Variants in BRAP observed in about 807,000 individuals in gnomAD.
BRAP encodes BRCA1-associated protein.
BRAP carries 42 observed loss-of-function variants against 73.4 expected under a neutral mutation model. The observed-to-expected ratio is 0.57, with a 90% CI of 0.45 to 0.74. The LOEUF (loss-of-function observed/expected upper bound fraction) is 0.74, where lower values mean the gene tolerates loss of function less well. Among genes scored for constraint, BRAP ranks in the 30% least tolerant of loss-of-function variants. BRAP has a pLI of 0.00. For synonymous variants in BRAP, 255 were observed against 267.4 expected (o/e 0.95, Z 0.45); for missense variants, 593 against 751.4 (o/e 0.79, Z 2.46).
intron 1 of BRAP, among the ~76,000 whole-genome samples, chr12:111,685,417 G>C (rs1201124404): frequency 6.6e-6 from 1 of 152,204 alleles, no homozygotes; most frequent in Non-Finnish European, 1.5e-5. Flanking sequence ...AGCCCATAGG[G>C]AAGCAAGTGA....
Position 111,644,528 on chromosome 12 carries a change from T to A in BRAP, c.1450A>T (p.Thr484Ser). 6.2e-7 allele frequency: 1 copy of A among 1,613,968 alleles called. No homozygotes were observed. Among genetic ancestry groups the A allele is most frequent in the Non-Finnish European group, 8.5e-7 (1 of 1,179,902 alleles). Residue 484 changes from threonine (T) to serine (S), a missense_variant, in exon 12 of 12, where the codon ACC (threonine) becomes TCC (serine). Physicochemically the swap from Thr to Ser is moderately conservative, Grantham distance 58 (BLOSUM62 1). Coordinates refer to ENST00000419234, the MANE Select transcript of BRAP (RefSeq NM_006768.5). ...TCCTGCTCCTCTTTGAGCTCGTTGGTGAGTTTGGCCACTTTTGTGTTTAGC... is the reference window on the plus strand; with the variant it reads ...TCCTGCTCCTCTTTGAGCTCGTTGGAGAGTTTGGCCACTTTTGTGTTTAGC... ...TQLNTKVAKL[T>S]NELKEEQEMN...
At chr12:111,670,069 T>C in intron 5 of BRAP, 3 of 627,082 alleles carry the variant, frequency 4.8e-6, no homozygotes, top group Non-Finnish European at 9.2e-6. Flanking sequence ...CCTGAAAAAG[T>C]GCTTGGAGCA....
chr12:111,656,049 T>G (rs1161529351), intron 9 of BRAP, among the ~76,000 whole-genome samples: 1 of 152,188 alleles, frequency 6.6e-6, no homozygotes, highest in East Asian at 1.9e-4. Context: ...CTGATAGCAC[T>G]GTGCCTATCA....
intron 4 of BRAP, among the ~76,000 whole-genome samples, chr12:111,674,215 T>A (rs1274141734): frequency 6.6e-6 from 1 of 152,118 alleles, no homozygotes; most frequent in Non-Finnish European, 1.5e-5. Flanking sequence ...AATGAGGTAA[T>A]TGTGAATTCT....
chr12:111,659,608 C>T (rs1240465973), intron 7 of BRAP, among the ~76,000 whole-genome samples: 1 of 152,120 alleles, frequency 6.6e-6, no homozygotes, highest in African/African-American at 2.4e-5. Context: ...GACCCGAAAT[C>T]GTGCCACTGC....
chr12:111,677,341 A>C (rs771099538), intron 4 of BRAP, among the ~76,000 whole-genome samples: 1 of 152,154 alleles, frequency 6.6e-6, no homozygotes, highest in Non-Finnish European at 1.5e-5. Context: ...GCTGTCATAG[A>C]ATGTCTCACA....
At chr12:111,657,408 A>G (rs1355938898) in intron 9 of BRAP, among the ~76,000 whole-genome samples, 1 of 152,216 alleles carries the variant, frequency 6.6e-6, no homozygotes, top group African/African-American at 2.4e-5. Context: ...AATTCTAAAT[A>G]CTTAAAAGTG....
chr12:111,680,987 T>C (rs760099373), intron 3 of BRAP, among the ~76,000 whole-genome samples: 11 of 152,212 alleles, frequency 7.2e-5, no homozygotes, highest in Non-Finnish European at 1.5e-4. Flanking sequence ...CAGTAAAGAT[T>C]TGGTGGGGAC....
At chr12:111,654,506 GGGTTTC>G (rs148245571) in intron 10 of BRAP, among the ~76,000 whole-genome samples, 2,347 of 152,186 alleles carry the variant, frequency 0.015, 69 homozygotes, top group African/African-American at 0.053. Flanking sequence ...AGTAGAGATT[GGGTTTC>G]GCCATGTTGG....
rs6416335 is a variant in BRAP, at chr12:111,643,487, T to C, written c.*712A>G. On this transcript the variant is annotated 3_prime_UTR_variant, in exon 12 of 12. Transcript: ENST00000419234. Reference sequence around the variant, plus strand: ...CCTCCTTAATTGCGGTTCATAATGATGTACGAAGTCACCAAAAATAAACAG... The same window carrying C: ...CCTCCTTAATTGCGGTTCATAATGACGTACGAAGTCACCAAAAATAAACAG... The C allele has an allele frequency of 0.99, 150,543 of 152,272 alleles. 74,421 individuals carry two copies. The highest frequency in any genetic ancestry group is 1 in the Middle Eastern group (294 of 294). The allele number at this position is 152,272 out of a possible 1,614,324, so 9.4% of individuals were successfully genotyped here.
At chr12:111,681,235 T>TG (rs569517603) in intron 3 of BRAP, among the ~76,000 whole-genome samples, 141 of 152,182 alleles carry the variant, frequency 9.3e-4, no homozygotes, top group African/African-American at 3.3e-3. Flanking sequence ...CTAGGTGTGG[T>TG]GGTGGGCACC....
chr12:111,643,458 G>C lies in BRAP; in HGVS notation c.*741C>G, dbSNP rs1197394432. On this transcript the variant is annotated 3_prime_UTR_variant, in exon 12 of 12. Coordinates refer to ENST00000419234, the MANE Select transcript of BRAP (RefSeq NM_006768.5). ...ATTTGAGTTTGGGAACAGCCATTAA[G>C]CCTCCTCCTTAATTGCGGTTCATAA... The C allele has an allele frequency of 6.6e-6, 1 of 152,174 alleles. No individual in the cohort carries two copies. Among genetic ancestry groups the C allele is most frequent in the Non-Finnish European group, 1.5e-5 (1 of 68,038 alleles). The allele number at this position is 152,174 out of a possible 1,614,324, so 9.4% of individuals were successfully genotyped here. A position where few individuals can be genotyped will look rare whatever the true frequency, so the allele number is the denominator to read the frequency against.
intron 6 of BRAP, among the ~76,000 whole-genome samples, chr12:111,663,043 G>C (rs867251052): frequency 6.6e-6 from 1 of 151,090 alleles, no homozygotes; most frequent in Non-Finnish European, 1.5e-5. Flanking sequence ...TGATCAAAAC[G>C]ATCTTTCTGA....
In BRAP at chr12:111,644,534, TG is replaced by T; in HGVS notation, c.1443del (p.Lys482AsnfsTer12). 6.2e-7 allele frequency: 1 copy of T among 1,613,910 alleles called. No individual in the cohort carries two copies. The highest frequency in any genetic ancestry group is 8.5e-7 in the Non-Finnish European group (1 of 1,179,828). ...TCCTCTTTGAGCTCGTTGGTGAGTT[TG>T]GCCACTTTTGTGTTTAGCTGAGTGC... The part of the protein sequence containing the change: ...RKCTQLNTKV[A>X]KLTNELKEEQ... On this transcript the variant is annotated frameshift_variant, in exon 12 of 12. Coordinates refer to ENST00000419234, the MANE Select transcript of BRAP (RefSeq NM_006768.5). LOFTEE classifies it high-confidence loss of function.
intron 5 of BRAP, among the ~76,000 whole-genome samples, chr12:111,667,979 C>T (rs1199202140): frequency 1.3e-5 from 2 of 152,226 alleles, no homozygotes; most frequent in Non-Finnish European, 2.9e-5. Flanking sequence ...GAGGCCAAGG[C>T]AGGCGGATCA....
At chr12:111,677,789 A>G (rs1207505463) in intron 4 of BRAP, among the ~76,000 whole-genome samples, 2 of 152,216 alleles carry the variant, frequency 1.3e-5, no homozygotes, top group African/African-American at 4.8e-5. Flanking sequence ...CTTAATGTCA[A>G]CTTGTAAACT....
In BRAP at chr12:111,685,494, G is replaced by C; in HGVS notation, c.82+217C>G. ...AGGTATAAACTAAATGCCCTCAGAC[G>C]GCACAGGGAGGGAGGTTCGGGGCAG... is the stretch of plus-strand genomic sequence containing the variant. On this transcript the variant is annotated intron_variant, in intron 1 of 11. Coordinates refer to ENST00000419234, the MANE Select transcript of BRAP (RefSeq NM_006768.5). The C allele has an allele frequency of 4.4e-6, 5 of 1,128,696 alleles. No homozygotes were observed. The South Asian group carries it at 8.9e-5, about 20-fold the overall frequency. 69.9% of individuals were successfully genotyped at this position (1,128,696 alleles called of 1,614,324 possible).
Position 111,685,905 on chromosome 12 carries a change from C to T in BRAP, c.-113G>A. ...CGCCGCCACCACCTCAATGCAGTTGCCGCCGCCTCAGCAGCAGCAGCTCCT... is the reference window on the plus strand; with the variant it reads ...CGCCGCCACCACCTCAATGCAGTTGTCGCCGCCTCAGCAGCAGCAGCTCCT... On this transcript the variant is annotated 5_prime_UTR_variant, in exon 1 of 12. Coordinates refer to ENST00000419234, the MANE Select transcript of BRAP (RefSeq NM_006768.5). The T allele has an allele frequency of 3.4e-6, 2 of 591,612 alleles. No homozygotes were observed. Among genetic ancestry groups the T allele is most frequent in the Non-Finnish European group, 5.1e-6 (2 of 390,044 alleles). The allele number at this position is 591,612 out of a possible 1,614,324, so 36.6% of individuals were successfully genotyped here.
At chr12:111,657,957 G>A (rs1366235985) in intron 9 of BRAP, among the ~76,000 whole-genome samples, 1 of 133,892 alleles carries the variant, frequency 7.5e-6, no homozygotes, top group Non-Finnish European at 1.6e-5. Flanking sequence ...TTTTTTTTTT[G>A]AGACAGGGTC....
Sources: allele counts gnomAD v4.1 joint callset (sites outside exome capture counted in the v4.1 genomes callset), GRCh38; gene constraint gnomAD v4.1.1; transcripts MANE v1.5; gene names NCBI Gene and HGNC (gene_info 2026-07-23, HGNC 2026-07-21).